Variants in DNAI4 observed in about 807,000 individuals in gnomAD.
DNAI4 encodes WD repeat domain 78.
A neutral mutation model predicts 105.8 loss-of-function variants in DNAI4; 85 were observed. The observed-to-expected ratio is 0.80, with a 90% CI of 0.67 to 0.96. The LOEUF is 0.96. Among genes scored for constraint, DNAI4 ranks in the 40% least tolerant of loss-of-function variants. The pLI, the probability that DNAI4 is intolerant of heterozygous loss-of-function variation, is 0.00. For synonymous variants in DNAI4, 352 were observed against 331.5 expected (o/e 1.06, Z -0.67); for missense variants, 1,014 against 1,005.6 (o/e 1.01, Z -0.11).
chr1:66,823,359 C>A (rs1236394777), intron 15 of DNAI4, among the ~76,000 whole-genome samples: 2 of 151,974 alleles, frequency 1.3e-5, no homozygotes, highest in Non-Finnish European at 2.9e-5. Context: ...AATAATGCCG[C>A]AATAAACATG....
At chr1:66,915,798 G>T (rs530334402) in intron 1 of DNAI4, among the ~76,000 whole-genome samples, 2 of 152,134 alleles carry the variant, frequency 1.3e-5, no homozygotes, top group South Asian at 4.1e-4. Flanking sequence ...TGTGTGGTAA[G>T]AAAGCTTAAA....
chr1:66,924,031 A>C (rs1414149123), intron 1 of DNAI4, among the ~76,000 whole-genome samples: 1 of 152,220 alleles, frequency 6.6e-6, no homozygotes, highest in Non-Finnish European at 1.5e-5. Context: ...GGTGGCTCAC[A>C]GAAGCTGAGG....
intron 1 of DNAI4, among the ~76,000 whole-genome samples, chr1:66,918,862 G>A (rs887804536): frequency 1.3e-5 from 2 of 152,090 alleles, no homozygotes; most frequent in Non-Finnish European, 2.9e-5. Flanking sequence ...CTAAGCTAAG[G>A]GAGAATTCAA....
intron 1 of DNAI4, among the ~76,000 whole-genome samples, chr1:66,915,377 C>G (rs1649987964): frequency 1.3e-5 from 2 of 152,216 alleles, no homozygotes; most frequent in Admixed American, 6.5e-5. Context: ...AGGTTAGAAG[C>G]AAGATGGAGT....
In DNAI4 at chr1:66,822,472, G is replaced by C. The variant is rs1049381362; in HGVS notation, c.2385C>G (p.Phe795Leu). The change falls in exon 16 of 17, where the codon TTC (phenylalanine) becomes TTG (leucine). Residue 795 changes from phenylalanine (F) to leucine (L), a missense_variant. Phe to Leu is a conservative substitution (Grantham distance 22). Transcript: ENST00000371026. ...TTTGTTTGGCAAAGAGAATGGTTGT[G>C]AACTTGATTCCAGGGTTAGCAGTAT... ...IVNTANPGIKFTTILFAKQTD... is the reference protein window; with the variant it reads ...IVNTANPGIKLTTILFAKQTD... 7.4e-6 allele frequency: 12 copies of C among 1,612,554 alleles called. No individual in the cohort carries two copies. Among genetic ancestry groups the C allele is most frequent in the Non-Finnish European group, 9.3e-6 (11 of 1,179,424 alleles).
chr1:66,813,972 T>A lies in DNAI4; in HGVS notation c.*158A>T, dbSNP rs1038437548. 1.3e-5 allele frequency: 7 copies of A among 557,016 alleles called. No individual in the cohort carries two copies. The African/African-American group carries it at 1.3e-4, about 11-fold the overall frequency. The allele number at this position is 557,016 out of a possible 1,614,324, so 34.5% of individuals were successfully genotyped here. ...TCTTAGATTGTAAACTAATCAAATA[T>A]CTCTGAAATAAAAGTTTATTAAATT... On this transcript the variant is annotated 3_prime_UTR_variant, in exon 17 of 17. Transcript: ENST00000371026.
intron 1 of DNAI4, among the ~76,000 whole-genome samples, chr1:66,905,992 C>T (rs575774962): frequency 1.5e-5 from 2 of 130,650 alleles, no homozygotes; most frequent in African/African-American, 2.9e-5. Flanking sequence ...GGCGTGATCT[C>T]GGCTCACCGC....
intron 15 of DNAI4, among the ~76,000 whole-genome samples, chr1:66,825,202 T>A (rs956040502): frequency 3.0e-5 from 4 of 134,098 alleles, no homozygotes; most frequent in African/African-American, 1.1e-4. Context: ...AGACGGAGTC[T>A]CGCTCTGTCG....
intron 1 of DNAI4, among the ~76,000 whole-genome samples, chr1:66,912,592 A>G (rs1289674348): frequency 3.9e-5 from 6 of 152,166 alleles, no homozygotes; most frequent in Admixed American, 2.6e-4. Flanking sequence ...CTTCTTACAT[A>G]TACTGAATGA....
At chr1:66,871,721 TA>T (rs2100659971) in intron 5 of DNAI4, among the ~76,000 whole-genome samples, 1 of 152,332 alleles carries the variant, frequency 6.6e-6, no homozygotes, top group African/African-American at 2.4e-5. Context: ...ACATCCCTAC[TA>T]CTATCGGTAC....
At chr1:66,899,460 G>A (rs910180039) in intron 2 of DNAI4, among the ~76,000 whole-genome samples, 1 of 152,112 alleles carries the variant, frequency 6.6e-6, no homozygotes, top group African/African-American at 2.4e-5. Context: ...TGAATTGTAA[G>A]AGTTCTTTAT....
intron 1 of DNAI4, among the ~76,000 whole-genome samples, chr1:66,906,701 A>G (rs1297240018): frequency 6.6e-6 from 1 of 152,114 alleles, no homozygotes; most frequent in Non-Finnish European, 1.5e-5. Flanking sequence ...CCATTTGTGC[A>G]CTATTTCAAA....
Position 66,834,032 on chromosome 1 carries a change from C to A in DNAI4, c.1850G>T (p.Arg617Ile), listed in dbSNP as rs774587607. Reference protein sequence around the residue: ...EILVSISADGRISKWVIRKGL... With the variant: ...EILVSISADGIISKWVIRKGL... ...TTTTCGTATAACCCATTTGGAGATT[C>A]TTCCATCTGCTGATATAGAAACTAG... Residue 617 changes from arginine (R) to isoleucine (I), a missense_variant, in exon 12 of 17, where the codon AGA becomes ATA. Arg to Ile is a moderately conservative substitution (Grantham distance 97, BLOSUM62 -3). Transcript: ENST00000371026. 20 of 1,610,632 alleles carry A rather than the reference C, an allele frequency of 1.2e-5. No homozygotes were observed. The Admixed American group carries it at 1.9e-4, about 15-fold the overall frequency.
intron 2 of DNAI4, among the ~76,000 whole-genome samples, chr1:66,895,507 G>A (rs970474923): frequency 6.6e-6 from 1 of 152,070 alleles, no homozygotes; most frequent in Non-Finnish European, 1.5e-5. Flanking sequence ...TCTAATTTTT[G>A]AACTATTTGT....
At chr1:66,915,845 A>G (rs1557987322) in intron 1 of DNAI4, among the ~76,000 whole-genome samples, 1 of 152,152 alleles carries the variant, frequency 6.6e-6, no homozygotes, top group Non-Finnish European at 1.5e-5. Flanking sequence ...ATCTTTGGTC[A>G]AGCACAGTGG....
intron 6 of DNAI4, among the ~76,000 whole-genome samples, chr1:66,863,756 C>A (rs12023158): frequency 0.22 from 33,550 of 151,996 alleles, 4,179 homozygotes; most frequent in East Asian, 0.55. Context: ...CCATGCCTGG[C>A]CTCAATGGTA....
At chr1:66,835,209 T>C (rs868578437) in intron 11 of DNAI4, among the ~76,000 whole-genome samples, 25 of 121,310 alleles carry the variant, frequency 2.1e-4, no homozygotes, top group Admixed American at 4.7e-4. Flanking sequence ...GATAGATAGA[T>C]AGATAGATAG....
intron 7 of DNAI4, among the ~76,000 whole-genome samples, chr1:66,854,622 T>A (rs146169353): frequency 1.3e-5 from 2 of 152,036 alleles, no homozygotes; most frequent in East Asian, 3.9e-4. Context: ...GCCAGCATGG[T>A]GAAACCCCGT....
chr1:66,906,960 G>C (rs534372109), intron 1 of DNAI4: 1 of 151,886 alleles, frequency 6.6e-6, no homozygotes, highest in South Asian at 2.1e-4. Context: ...GGTGTCTCAG[G>C]GACTCTTCTC....
Sources: gnomAD v4.1 joint callset for allele counts (sites outside exome capture counted in the v4.1 genomes callset) on GRCh38, gnomAD v4.1.1 for gene constraint, MANE v1.5 for transcripts, NCBI Gene and HGNC (gene_info 2026-07-23, HGNC 2026-07-21) for gene names.